Variants in MYO3B observed in about 807,000 individuals in gnomAD.
MYO3B encodes myosin IIIB.
Under a neutral mutation model 174.6 loss-of-function variants are expected in MYO3B, and 156 were observed. The observed-to-expected ratio is 0.89, with a 90% CI of 0.78 to 1.02. The LOEUF (loss-of-function observed/expected upper bound fraction) is 1.02, where lower values mean the gene tolerates loss of function less well. Ranked by LOEUF, MYO3B falls within the 50% of genes least tolerant of loss-of-function variation. The pLI is 0.00. For missense variants in MYO3B, 1,632 were observed against 1,639.4 expected, an observed-to-expected ratio of 1.00 and a Z score of 0.08; for synonymous variants, 563 against 569.1, an observed-to-expected ratio of 0.99 and a Z score of 0.15.
chr2:170,346,448 C>T (rs2094016601), intron 8 of MYO3B: 1 of 151,568 alleles, frequency 6.6e-6, no homozygotes, highest in African/African-American at 2.4e-5. Flanking sequence ...TAATATGACA[C>T]CATAAAACAA....
At chr2:170,226,519 C>A (rs564295958) in intron 6 of MYO3B, among the ~76,000 whole-genome samples, 19 of 152,306 alleles carry the variant, frequency 1.2e-4, no homozygotes, top group African/African-American at 4.6e-4. Context: ...GTGGAAATGA[C>A]TGGATGCAGC....
intron 21 of MYO3B, 82 bp from the exon 22 acceptor site, chr2:170,407,633 A>C: frequency 6.6e-7 from 1 of 1,517,032 alleles, no homozygotes; most frequent in Non-Finnish European, 9.0e-7. Flanking sequence ...AGGTTGATTA[A>C]CAACTGGTTA....
intron 6 of MYO3B, among the ~76,000 whole-genome samples, chr2:170,231,088 C>G (rs1405252855): frequency 3.9e-5 from 6 of 152,140 alleles, no homozygotes; most frequent in African/African-American, 1.2e-4. Context: ...CACAGCTGAC[C>G]CTGCTCAAGG....
intron 32 of MYO3B, among the ~76,000 whole-genome samples, chr2:170,624,925 C>G (rs1279070231): frequency 6.6e-6 from 1 of 152,040 alleles, no homozygotes; most frequent in African/African-American, 2.4e-5. Context: ...CCCACTTGAT[C>G]ATGGTGGATA....
At chr2:170,539,640 A>G (rs1689955296) in intron 30 of MYO3B, among the ~76,000 whole-genome samples, 1 of 148,532 alleles carries the variant, frequency 6.7e-6, no homozygotes, top group Non-Finnish European at 1.5e-5. Context: ...TTTTTTTGAG[A>G]TAGGGTCTCA....
intron 9 of MYO3B, among the ~76,000 whole-genome samples, chr2:170,372,056 C>T (rs1197286124): frequency 1.5e-5 from 2 of 137,712 alleles, no homozygotes; most frequent in African/African-American, 5.4e-5. Flanking sequence ...GAGTTTGAGG[C>T]TGCAGCAAAC....
At chr2:170,402,243 T>C (rs2094482370) in intron 18 of MYO3B, among the ~76,000 whole-genome samples, 1 of 152,226 alleles carries the variant, frequency 6.6e-6, no homozygotes, top group Non-Finnish European at 1.5e-5. Flanking sequence ...GTTCCAATAA[T>C]GGAACACCAA....
chr2:170,231,525 T>C (rs1426198544), intron 6 of MYO3B, among the ~76,000 whole-genome samples: 2 of 152,188 alleles, frequency 1.3e-5, no homozygotes, highest in Admixed American at 6.5e-5. Flanking sequence ...CTTCCTAAAA[T>C]AAGCAGCAGT....
At chr2:170,547,548 A>G (rs1690604139) in intron 32 of MYO3B, among the ~76,000 whole-genome samples, 1 of 152,176 alleles carries the variant, frequency 6.6e-6, no homozygotes, top group Admixed American at 6.5e-5. Context: ...TTGTTCTTCT[A>G]CTTATATTTA....
intron 26 of MYO3B, 56 bp downstream of exon 26, chr2:170,498,759 G>A: frequency 3.4e-6 from 4 of 1,162,430 alleles, no homozygotes; most frequent in African/African-American, 1.5e-5. Flanking sequence ...TCTCTTGTCA[G>A]TGATGTCACT....
At chr2:170,195,006 C>T (rs2092582799) in intron 1 of MYO3B, among the ~76,000 whole-genome samples, 1 of 152,040 alleles carries the variant, frequency 6.6e-6, no homozygotes, top group Non-Finnish European at 1.5e-5. Flanking sequence ...CGTTCTTCTG[C>T]TTGCTTTATC....
intron 32 of MYO3B, among the ~76,000 whole-genome samples, chr2:170,583,006 C>T (rs1283252752): frequency 3.9e-5 from 6 of 152,158 alleles, no homozygotes; most frequent in Non-Finnish European, 8.8e-5. Flanking sequence ...CTGCTCCTGA[C>T]AGCTCCCCCT....
At chr2:170,311,083 A>C (rs1319534618) in intron 7 of MYO3B, among the ~76,000 whole-genome samples, 1 of 152,180 alleles carries the variant, frequency 6.6e-6, no homozygotes, top group Non-Finnish European at 1.5e-5. Context: ...TACTGTGAAC[A>C]TGCATGTGTG....
intron 7 of MYO3B, among the ~76,000 whole-genome samples, chr2:170,291,691 GC>G (rs1259205902): frequency 2.1e-5 from 3 of 145,572 alleles, no homozygotes; most frequent in African/African-American, 7.6e-5. Flanking sequence ...ATTTTGCTGG[GC>G]ATAGTATTCT....
chr2:170,633,356 C>A (rs1196580716), intron 32 of MYO3B, among the ~76,000 whole-genome samples: 2 of 152,124 alleles, frequency 1.3e-5, no homozygotes, highest in Non-Finnish European at 2.9e-5. Context: ...ATAAACAGAA[C>A]CAAAGAAGAA....
chr2:170,430,825 G>T lies in MYO3B; in HGVS notation c.2651-13142G>T, dbSNP rs1170091157. On this transcript the variant is annotated intron_variant, in intron 22 of 34. Transcript: ENST00000408978. The stretch of plus-strand genomic sequence containing the variant: ...GAGATTTGATGAGAATATGGAGGAG[G>T]TGTGTACTGCATGGAAAAGTTCAAG... Among the ~76,000 whole-genome samples the T allele has an allele frequency of 4.6e-5, 7 of 152,182 alleles. No individual in the cohort carries two copies. The East Asian group carries it at 1.3e-3, about 29-fold the overall frequency.
At chr2:170,485,587 C>A (rs987583193) in intron 25 of MYO3B, among the ~76,000 whole-genome samples, 2 of 152,162 alleles carry the variant, frequency 1.3e-5, no homozygotes, top group Non-Finnish European at 2.9e-5. Flanking sequence ...TTTCAACCCC[C>A]TCATTGACAT....
Position 170,401,258 on chromosome 2 carries a change from C to CT in MYO3B, c.1919-215dup, listed in dbSNP as rs11448578. On this transcript the variant is annotated intron_variant, in intron 17 of 34. Transcript: ENST00000408978. Reference sequence around the variant, plus strand: ...TTTGGCAAAAGACCACCTCCTCTTCCTTTTTTTTCATCAAGCATCTATGAA... The same window carrying CT: ...TTTGGCAAAAGACCACCTCCTCTTCCTTTTTTTTTCATCAAGCATCTATGAA... Among the ~76,000 whole-genome samples, 1,361 of 152,070 alleles carry CT rather than the reference C, an allele frequency of 8.9e-3. 18 individuals carry two copies. The highest frequency in any genetic ancestry group is 0.031 in the African/African-American group (1,272 of 41,470).
chr2:170,236,303 G>T (rs1311423081), intron 7 of MYO3B, among the ~76,000 whole-genome samples, 167 bp downstream of exon 7: 1 of 152,076 alleles, frequency 6.6e-6, no homozygotes, highest in Non-Finnish European at 1.5e-5. Context: ...CAGAGAAGAG[G>T]ATGTTCCTGA....
Sources: gnomAD v4.1 joint callset for allele counts (sites outside exome capture counted in the v4.1 genomes callset) on GRCh38, gnomAD v4.1.1 for gene constraint, MANE v1.5 for transcripts, NCBI Gene and HGNC (gene_info 2026-07-23, HGNC 2026-07-21) for gene names.